The following EML4 variants were observed in gnomAD, a reference collection of about 807,000 sequenced individuals.
EML4 encodes EMAP like 4.
EML4 carries 72 observed loss-of-function variants against 129.0 expected under a neutral mutation model. The observed-to-expected ratio is 0.56, with a 90% CI of 0.46 to 0.68. The LOEUF (loss-of-function observed/expected upper bound fraction) is 0.68, where lower values mean the gene tolerates loss of function less well. Ranked by LOEUF, EML4 falls within the 30% of genes least tolerant of loss-of-function variation. The pLI is 0.00. For missense variants in EML4, 1,363 were observed against 1,190.6 expected (o/e 1.14, Z -2.13); for synonymous variants, 532 against 405.0 (o/e 1.31, Z -3.77).
At chr2:42,257,882 C>T (rs1387895162) in intron 3 of EML4, among the ~76,000 whole-genome samples, 2 of 151,704 alleles carry the variant, frequency 1.3e-5, no homozygotes, top group African/African-American at 2.4e-5. Flanking sequence ...TCTTTGTCGT[C>T]GTCATTACAG....
At chr2:42,245,467 T>A in intron 1 of EML4, 38 bp from the exon 2 acceptor site, 1 of 1,505,376 alleles carries the variant, frequency 6.6e-7, no homozygotes, top group Non-Finnish European at 9.0e-7. Flanking sequence ...CTCAAGCAGT[T>A]TACTTAAAAA....
At chr2:42,255,265 T>C (rs1363608952) in intron 2 of EML4, among the ~76,000 whole-genome samples, 1 of 151,880 alleles carries the variant, frequency 6.6e-6, no homozygotes, top group Admixed American at 6.6e-5. Context: ...TTTTGTATTT[T>C]TAGTAGATAC....
At chr2:42,257,793 C>T (rs935676178) in intron 3 of EML4, among the ~76,000 whole-genome samples, 11 of 150,524 alleles carry the variant, frequency 7.3e-5, no homozygotes, top group South Asian at 2.1e-4. Flanking sequence ...GCCACGATTG[C>T]GCCACTGTAT....
At chr2:42,303,632 A>G (rs1321282042) in intron 16 of EML4, among the ~76,000 whole-genome samples, 186 bp downstream of exon 16, 1 of 152,244 alleles carries the variant, frequency 6.6e-6, no homozygotes, top group Non-Finnish European at 1.5e-5. Context: ...CCGATTTTAA[A>G]GAAGTAAGTT....
At chr2:42,304,138 T>A (rs911954228) in intron 16 of EML4, among the ~76,000 whole-genome samples, 3 of 152,174 alleles carry the variant, frequency 2.0e-5, no homozygotes, top group Non-Finnish European at 2.9e-5. Flanking sequence ...TACTGTATTT[T>A]CTCTCTACCC....
chr2:42,268,353 C>G (rs1666181860), intron 6 of EML4, among the ~76,000 whole-genome samples: 1 of 152,156 alleles, frequency 6.6e-6, no homozygotes, highest in Non-Finnish European at 1.5e-5. Flanking sequence ...AGGACTTGAG[C>G]ATCCACAGAT....
intron 19 of EML4, among the ~76,000 whole-genome samples, chr2:42,320,699 C>T (rs60760187): frequency 0.028 from 4,185 of 152,176 alleles, 198 homozygotes; most frequent in African/African-American, 0.095. Flanking sequence ...TCCTGATTGA[C>T]CTAAAGTTTC....
At chr2:42,311,154 C>T (rs2103765126) in intron 17 of EML4, among the ~76,000 whole-genome samples, 1 of 152,286 alleles carries the variant, frequency 6.6e-6, no homozygotes, top group Admixed American at 6.5e-5. Context: ...CCAAAACAGA[C>T]ACTCTAGGGT....
intron 1 of EML4, among the ~76,000 whole-genome samples, chr2:42,223,523 T>C (rs1673756372): frequency 6.6e-6 from 1 of 152,184 alleles, no homozygotes; most frequent in Non-Finnish European, 1.5e-5. Flanking sequence ...AGCTCTTAAA[T>C]GTCAGTAGTT....
At position 42,264,736 on chromosome 2, in the gene EML4, A is replaced by G. The variant is rs552475277; in HGVS notation, c.667+5A>G. ...AAGATGTCATCATCAACCAAGGTAA[A>G]TTAAAAATCCTTTTAAAAATTTTAT... On this transcript the variant is annotated splice_donor_5th_base_variant and intron_variant, in intron 6 of 22. Transcript: ENST00000318522. 1 of 1,459,996 alleles carries G rather than the reference A, an allele frequency of 6.8e-7. No homozygotes were observed. Among genetic ancestry groups the G allele is most frequent in the Admixed American group, 1.9e-5 (1 of 52,152 alleles). 90.4% of individuals were successfully genotyped at this position (1,459,996 alleles called of 1,614,324 possible).
rs902055865 is a variant in EML4, at chr2:42,184,021, A to G, written c.25+14385A>G. ...AACACCTACTTTGGTACTTAAAGCAATTTGGGCTATTTGCTGTGCTCTGAA... is the reference window on the plus strand; with the variant it reads ...AACACCTACTTTGGTACTTAAAGCAGTTTGGGCTATTTGCTGTGCTCTGAA... On this transcript the variant is annotated intron_variant, in intron 1 of 22. Transcript: ENST00000318522. 3.3e-5 allele frequency among the ~76,000 whole-genome samples: 5 copies of G among 152,104 alleles called. 1 individual carries two copies. The highest frequency in any genetic ancestry group is 9.7e-5 in the African/African-American group (4 of 41,416).
chr2:42,218,263 G>C (rs1264697985), intron 1 of EML4, among the ~76,000 whole-genome samples: 1 of 151,970 alleles, frequency 6.6e-6, no homozygotes, highest in African/African-American at 2.4e-5. Context: ...TCTAATGCCT[G>C]ATCTGTCACT....
At chr2:42,260,211 A>G (rs1665640786) in intron 3 of EML4, among the ~76,000 whole-genome samples, 1 of 152,018 alleles carries the variant, frequency 6.6e-6, no homozygotes, top group Non-Finnish European at 1.5e-5. Context: ...ACTGTCATCC[A>G]GGCTGGAGTG....
In EML4 at chr2:42,303,330, C is replaced by A; in HGVS notation, c.1783C>A (p.Leu595Ile). The A allele has an allele frequency of 6.2e-7, 1 of 1,614,074 alleles. No homozygotes were observed. Among genetic ancestry groups the A allele is most frequent in the African/African-American group, 1.3e-5 (1 of 74,996 alleles). The change falls in exon 16 of 23, where the codon CTT becomes ATT. Residue 595 changes from leucine (L) to isoleucine (I), a missense_variant. Physicochemically the swap from Leu to Ile is conservative, Grantham distance 5 (BLOSUM62 2). Transcript: ENST00000318522. ...QIEVQGHTDE[L>I]WGLATHPFKD... ...TCATTTTCAGGGTCATACAGATGAG[C>A]TTTGGGGTCTTGCCACACATCCCTT...
intron 1 of EML4, among the ~76,000 whole-genome samples, chr2:42,172,588 T>G (rs909715872): frequency 6.6e-6 from 1 of 152,218 alleles, no homozygotes; most frequent in African/African-American, 2.4e-5. Context: ...GGAATTTCCC[T>G]TAGGTATTAT....
chr2:42,297,220 T>C (rs898205299), intron 13 of EML4, among the ~76,000 whole-genome samples: 3 of 152,194 alleles, frequency 2.0e-5, no homozygotes, highest in African/African-American at 7.2e-5. Context: ...TTCTCTTTTC[T>C]TTTTTTCTTA....
At chr2:42,273,633 C>G (rs1666494477) in intron 6 of EML4, among the ~76,000 whole-genome samples, 1 of 152,048 alleles carries the variant, frequency 6.6e-6, no homozygotes. Flanking sequence ...GAAATTTTAT[C>G]AGCCAATAGA....
At chr2:42,269,114 C>T (rs1354666396) in intron 6 of EML4, among the ~76,000 whole-genome samples, 1 of 152,188 alleles carries the variant, frequency 6.6e-6, no homozygotes, top group Non-Finnish European at 1.5e-5. Flanking sequence ...GTTATAATAT[C>T]TTAGAAAATT....
intron 2 of EML4, among the ~76,000 whole-genome samples, chr2:42,250,280 A>C (rs1328712695): frequency 6.6e-6 from 1 of 152,220 alleles, no homozygotes; most frequent in African/African-American, 2.4e-5. Flanking sequence ...GTTCTCCAAA[A>C]GAAACATTGC....
Sources: gnomAD v4.1 joint callset for allele counts (sites outside exome capture counted in the v4.1 genomes callset) on GRCh38, gnomAD v4.1.1 for gene constraint, MANE v1.5 for transcripts, NCBI Gene and HGNC (gene_info 2026-07-23, HGNC 2026-07-21) for gene names.